Variants in TPSG1 observed in about 807,000 individuals in gnomAD.
The protein encoded by TPSG1 is tryptase gamma 1, also known as tryptase gamma.
A neutral mutation model predicts 23.8 loss-of-function variants in TPSG1; 43 were observed. That is an observed-to-expected ratio of 1.81 (90% CI 1.42 to 2.33). The LOEUF (loss-of-function observed/expected upper bound fraction) is 2.33, where lower values mean the gene tolerates loss of function less well. Among genes scored for constraint, TPSG1 ranks in the 30% most tolerant of loss-of-function variants. The pLI is 0.00. For missense variants in TPSG1, 623 were observed against 438.6 expected, an observed-to-expected ratio of 1.42 and a Z score of -3.75; for synonymous variants, 302 against 201.3, an observed-to-expected ratio of 1.50 and a Z score of -4.23.
chr16:1,223,387 G>A (rs2029940334), intron 3 of TPSG1, 36 bp downstream of exon 3: 1 of 1,545,168 alleles, frequency 6.5e-7, no homozygotes, highest in African/African-American at 1.4e-5. Context: ...CTGGGGCCTG[G>A]ACATTGAGAC....
Position 1,222,800 on chromosome 16 carries a change from C to G in TPSG1, c.363G>C (p.Gly121=). ...CCACCAGGGCGATGTCCCCGCTGGT[C>G]CCCGGCTGTCCTGAGGGGCTGGAGT... ...ILHSSPSGQP[G]TSGDIALVEL... is the part of the protein sequence containing the mutation. Residue 121 remains glycine, a synonymous_variant, in exon 4 of 6, where the codon GGG becomes GGC. Coordinates refer to ENST00000234798, the MANE Select transcript of TPSG1 (RefSeq NM_012467.4). 1.2e-6 allele frequency: 2 copies of G among 1,612,266 alleles called. No homozygotes were observed. The highest frequency in any genetic ancestry group is 1.7e-6 in the Non-Finnish European group (2 of 1,179,820).
intron 1 of TPSG1, 112 bp from the exon 2 acceptor site, chr16:1,224,740 T>C (rs1596488226): frequency 7.2e-7 from 1 of 1,382,680 alleles, no homozygotes; most frequent in East Asian, 2.3e-5. Flanking sequence ...GGCCTGGTCC[T>C]GAGCAGAGGG....
chr16:1,223,652 C>G (rs940529280), intron 2 of TPSG1, 58 bp from the exon 3 acceptor site: 42 of 1,507,752 alleles, frequency 2.8e-5, no homozygotes, highest in South Asian at 7.5e-5. Flanking sequence ...ACTGCACTTC[C>G]TCCATGAAGC....
chr16:1,223,608 G>GGAA lies in TPSG1; in HGVS notation c.74-17_74-15dup. ...GCCGGCCACACCCTAAGTCGAAGGA[G>GGAA]GAAGGGGTGCCTGGTGGGGATCCCA... On this transcript the variant is annotated splice_polypyrimidine_tract_variant and intron_variant, in intron 2 of 5. Transcript: ENST00000234798. 3.9e-6 allele frequency: 6 copies of GGAA among 1,533,120 alleles called. No individual in the cohort carries two copies. The highest frequency in any genetic ancestry group is 5.2e-6 in the Non-Finnish European group (6 of 1,143,948). 95.0% of individuals were successfully genotyped at this position (1,533,120 alleles called of 1,614,324 possible).
intron 3 of TPSG1, 125 bp from the exon 4 acceptor site, chr16:1,223,042 C>G: frequency 7.9e-7 from 1 of 1,263,264 alleles, no homozygotes; most frequent in Non-Finnish European, 1.1e-6. Flanking sequence ...GCTTGGGACG[C>G]AGAAAGCCTG....
Position 1,222,123 on chromosome 16 carries a change from G to A in TPSG1, c.658-27C>T, listed in dbSNP as rs182240447. 4.0e-3 allele frequency: 6,435 copies of A among 1,612,360 alleles called. 71 individuals carry two copies. Among genetic ancestry groups the A allele is most frequent in the South Asian group, 0.024 (2,171 of 91,070 alleles). On this transcript the variant is annotated intron_variant, in intron 5 of 5. Transcript: ENST00000234798. ...TGAGGACAGAGAAGGCGAGCATTGG[G>A]AGCCGAGAAGATGGGGAGCCCCTCC... is the stretch of plus-strand genomic sequence containing the variant.
chr16:1,224,608 G>A lies in TPSG1; in HGVS notation c.67C>T (p.Gln23Ter). 3.1e-6 allele frequency: 5 copies of A among 1,613,874 alleles called. No individual in the cohort carries two copies. The highest frequency in any genetic ancestry group is 3.3e-4 in the Middle Eastern group (2 of 6,058). ...AVPGVSLRTL[Q>*]PGCGRPQVSD... Reference sequence around the variant, plus strand: ...ACACCTGTCAGAGACGTACCTGGCTGCAAAGTCCTGAGGGACACACCTGTG... The same window carrying A: ...ACACCTGTCAGAGACGTACCTGGCTACAAAGTCCTGAGGGACACACCTGTG... Residue 23 changes from glutamine (Q) to a stop codon, truncating the protein, a stop_gained, in exon 2 of 6, where the codon CAG (glutamine) becomes TAG (stop). Coordinates refer to ENST00000234798, the MANE Select transcript of TPSG1 (RefSeq NM_012467.4). LOFTEE classifies it high-confidence loss of function.
rs954754811 is a variant in TPSG1, at chr16:1,223,281, C to G, written c.245+142G>C. The stretch of plus-strand genomic sequence containing the variant: ...AACCTCACAGAAGGTGGGCAACCAG[C>G]TCCTCCCTTTCCATTGGAAGGAAGT... On this transcript the variant is annotated intron_variant, in intron 3 of 5. Coordinates refer to ENST00000234798, the MANE Select transcript of TPSG1 (RefSeq NM_012467.4). 4.3e-6 allele frequency: 5 copies of G among 1,152,768 alleles called. No homozygotes were observed. In the African/African-American group the frequency reaches 7.9e-5, roughly 18 times the overall value. The allele number at this position is 1,152,768 out of a possible 1,614,324, so 71.4% of individuals were successfully genotyped here. A position where few individuals can be genotyped will look rare whatever the true frequency, so the allele number is the denominator to read the frequency against.
At chr16:1,225,104 G>C in intron 1 of TPSG1, 103 bp downstream of exon 1, 2 of 1,421,664 alleles carry the variant, frequency 1.4e-6, no homozygotes, top group Non-Finnish European at 1.9e-6. Context: ...TGGGGACTCA[G>C]CATGTTTCTC....
chr16:1,222,691 G>A lies in TPSG1; in HGVS notation c.472C>T (p.Arg158Trp), dbSNP rs201274927. Residue 158 changes from arginine to tryptophan, a missense_variant, in exon 4 of 6, where the codon CGG becomes TGG. By Grantham distance (101) the Arg-to-Trp change is moderately radical. Transcript: ENST00000234798. ...EASDDFCPGI[R>W]CWVTGWGYTR... ...TAGCCCCAGCCGGTCACCCAGCACC[G>A]GATCCCAGGGCAGAAGTCATCTGAG... 98 of 1,590,598 alleles carry A rather than the reference G, an allele frequency of 6.2e-5. No homozygotes were observed. The African/African-American group carries it at 9.1e-4, about 15-fold the overall frequency.
At position 1,223,456 on chromosome 16, in the gene TPSG1, T is replaced by TG. The variant is rs1372541417; in HGVS notation, c.211dup (p.Gln71ProfsTer82). The TG allele has an allele frequency of 1.9e-6, 3 of 1,588,036 alleles. No homozygotes were observed. Among genetic ancestry groups the TG allele is most frequent in the Non-Finnish European group, 2.6e-6 (3 of 1,169,526 alleles). On this transcript the variant is annotated frameshift_variant, in exon 3 of 6. Transcript: ENST00000234798. LOFTEE classifies it high-confidence loss of function. Reference sequence around the variant, plus strand: ...GCAGTGGGCAGCTGTGAGCACCCACTGGGGGCTGAGCAGTGACCCGCCGCA... The same window carrying TG: ...GCAGTGGGCAGCTGTGAGCACCCACTGGGGGGCTGAGCAGTGACCCGCCGCA...
At chr16:1,223,731 C>T (rs1718273978) in intron 2 of TPSG1, 137 bp from the exon 3 acceptor site, 5 of 1,054,482 alleles carry the variant, frequency 4.7e-6, no homozygotes, top group Non-Finnish European at 6.7e-6. Flanking sequence ...GCCAGACTCT[C>T]CCCAGAAGCA....
rs1970551850 is a variant in TPSG1 at position 1,222,656 on chromosome 16, C to T, written c.507G>A (p.Glu169=). ...CWVTGWGYTR[E]GEPLPPPYSL... is the part of the protein sequence containing the mutation. ...ATCCCCACGGGGGCTCCTCACCTCC[C>T]TCCCGCGTATAGCCCCAGCCGGTCA... The change falls in exon 4 of 6, where the codon GAG becomes GAA. Residue 169 remains glutamate (E), a synonymous_variant. Coordinates refer to ENST00000234798, the MANE Select transcript of TPSG1 (RefSeq NM_012467.4). The T allele has an allele frequency of 2.6e-6, 4 of 1,549,808 alleles. No homozygotes were observed. The highest frequency in any genetic ancestry group is 1.4e-5 in the African/African-American group (1 of 73,630).
Position 1,225,199 on chromosome 16 carries a change from T to G in TPSG1, c.46+8A>C. 6.4e-7 allele frequency: 1 copy of G among 1,572,728 alleles called. No homozygotes were observed. The highest frequency in any genetic ancestry group is 2.3e-5 in the East Asian group (1 of 42,856). On this transcript the variant is annotated splice_region_variant and intron_variant, in intron 1 of 5. Coordinates refer to ENST00000234798, the MANE Select transcript of TPSG1 (RefSeq NM_012467.4). ...CCCCCATCCCCACACCCAGGCCAGG[T>G]CACCCACCGGGCACAGCCAGGAGCA...
chr16:1,224,578 A>G (rs774227474), intron 2 of TPSG1, 24 bp downstream of exon 2: 47 of 1,612,874 alleles, frequency 2.9e-5, no homozygotes, highest in Non-Finnish European at 3.9e-5. Context: ...CCTCCCCCAC[A>G]CCCCACACCT....
chr16:1,225,228 G>A lies in TPSG1; in HGVS notation c.25C>T (p.Leu9=). 6.3e-7 allele frequency: 1 copy of A among 1,578,666 alleles called. No homozygotes were observed. Among genetic ancestry groups the A allele is most frequent in the Non-Finnish European group, 8.6e-7 (1 of 1,162,478 alleles). The change falls in exon 1 of 6, where the codon CTG becomes TTG. Residue 9 remains leucine (L), a synonymous_variant. Transcript: ENST00000234798. MALGACGL[L]LLLAVPGVSL... The stretch of plus-strand genomic sequence containing the variant: ...CCACCGGGCACAGCCAGGAGCAGCA[G>A]GAGGCCACAGGCCCCAAGGGCCATG...
chr16:1,224,604 G>T lies in TPSG1; in HGVS notation c.71C>A (p.Pro24Gln). 2 of 1,613,840 alleles carry T rather than the reference G, an allele frequency of 1.2e-6. No individual in the cohort carries two copies. Among genetic ancestry groups the T allele is most frequent in the South Asian group, 2.2e-5 (2 of 91,086 alleles). The stretch of plus-strand genomic sequence containing the variant: ...CCCCACACCTGTCAGAGACGTACCT[G>T]GCTGCAAAGTCCTGAGGGACACACC... ...VPGVSLRTLQ[P>Q]GCGRPQVSDA... Residue 24 changes from proline to glutamine, a missense_variant and splice_region_variant, in exon 2 of 6, where the codon CCA (proline) becomes CAA (glutamine). Physicochemically the swap from Pro to Gln is moderately conservative, Grantham distance 76. Coordinates refer to ENST00000234798, the MANE Select transcript of TPSG1 (RefSeq NM_012467.4).
Position 1,222,584 on chromosome 16 carries a change from C to G in TPSG1, c.511+68G>C, listed in dbSNP as rs1315667046. The G allele has an allele frequency of 5.3e-6, 8 of 1,510,660 alleles. No homozygotes were observed. In the Admixed American group the frequency reaches 1.5e-4, roughly 29 times the overall value. 93.6% of individuals were successfully genotyped at this position (1,510,660 alleles called of 1,614,324 possible). A position where few individuals can be genotyped will look rare whatever the true frequency, so the allele number is the denominator to read the frequency against. ...GGAGCAGGTGGTAGCATCAGCATCC[C>G]TCAAGCCAGCTCTCTTCCTGCCGCC... On this transcript the variant is annotated intron_variant, in intron 4 of 5. Coordinates refer to ENST00000234798, the MANE Select transcript of TPSG1 (RefSeq NM_012467.4).
intron 4 of TPSG1, 152 bp from the exon 5 acceptor site, chr16:1,222,493 C>A (rs1361649812): frequency 4.7e-6 from 6 of 1,283,838 alleles, no homozygotes; most frequent in Non-Finnish European, 6.4e-6. Context: ...TGCTTTGGAT[C>A]CACACGACAG....
Sources: allele counts gnomAD v4.1 joint callset, GRCh38; gene constraint gnomAD v4.1.1; transcripts MANE v1.5; gene names NCBI Gene and HGNC (gene_info 2026-07-23, HGNC 2026-07-21).